NBEA: variants seen among roughly 807,000 people sequenced by gnomAD.
NBEA encodes the protein neurobeachin.
NBEA carries 44 observed loss-of-function variants against 343.4 expected under a neutral mutation model. The observed-to-expected ratio is 0.13, with a 90% CI of 0.10 to 0.16. The LOEUF is 0.16. Ranked by LOEUF, NBEA falls within the 10% of genes least tolerant of loss-of-function variation. The pLI is 1.00. For synonymous variants in NBEA, 1,175 were observed against 1,238.7 expected (o/e 0.95, Z 1.08); for missense variants, 2,555 against 3,631.3 (o/e 0.70, Z 7.62).
At chr13:35,485,521 A>T (rs2076275788) in intron 41 of NBEA, among the ~76,000 whole-genome samples, 1 of 152,124 alleles carries the variant, frequency 6.6e-6, no homozygotes, top group Non-Finnish European at 1.5e-5. Context: ...CACTACTGTT[A>T]GTTACATCGC....
chr13:35,623,552 T>C (rs2083089332), intron 48 of NBEA, among the ~76,000 whole-genome samples: 1 of 152,128 alleles, frequency 6.6e-6, no homozygotes, highest in Non-Finnish European at 1.5e-5. Context: ...AAAGACAAAA[T>C]TATTTAACTA....
At chr13:35,070,575 T>C (rs983706772) in intron 9 of NBEA, 144 bp from the exon 10 acceptor site, 18 of 721,448 alleles carry the variant, frequency 2.5e-5, no homozygotes, top group African/African-American at 5.4e-5. Context: ...CTTTTTTGTC[T>C]TATATGTGTA....
chr13:35,587,384 C>A (rs2081337563), intron 46 of NBEA, among the ~76,000 whole-genome samples: 1 of 152,148 alleles, frequency 6.6e-6, no homozygotes, highest in South Asian at 2.1e-4. Context: ...TTGGAAAACA[C>A]TGAAACTAGA....
At chr13:35,083,223 G>C (rs932184774) in intron 10 of NBEA, among the ~76,000 whole-genome samples, 2 of 152,168 alleles carry the variant, frequency 1.3e-5, no homozygotes, top group Non-Finnish European at 2.9e-5. Context: ...AGATCAGATA[G>C]TTGTGGATAT....
At chr13:35,369,670 T>C (rs772089823) in intron 38 of NBEA, among the ~76,000 whole-genome samples, 1 of 152,006 alleles carries the variant, frequency 6.6e-6, no homozygotes, top group Non-Finnish European at 1.5e-5. Flanking sequence ...CATTCCTGTA[T>C]ATAAACACTA....
At chr13:35,209,120 GAT>G (rs2152751102) in intron 32 of NBEA, among the ~76,000 whole-genome samples, 1 of 152,250 alleles carries the variant, frequency 6.6e-6, no homozygotes, top group South Asian at 2.1e-4. Context: ...ATTACTGAAA[GAT>G]ATTTGGGGAG....
chr13:35,145,528 C>T (rs2152699113), intron 18 of NBEA, among the ~76,000 whole-genome samples: 1 of 152,286 alleles, frequency 6.6e-6, no homozygotes, highest in East Asian at 1.9e-4. Flanking sequence ...TGTGGCTTCC[C>T]TTTCTGGCTC....
intron 41 of NBEA, among the ~76,000 whole-genome samples, chr13:35,517,842 A>T (rs1463044754): frequency 6.6e-6 from 1 of 152,236 alleles, no homozygotes; most frequent in Non-Finnish European, 1.5e-5. Context: ...TATCTTATAC[A>T]CATAGTACTT....
chr13:35,432,594 T>G (rs958930002), intron 39 of NBEA, among the ~76,000 whole-genome samples: 10 of 152,156 alleles, frequency 6.6e-5, no homozygotes, highest in Non-Finnish European at 1.2e-4. Flanking sequence ...TATATTTTTG[T>G]AGCCTTCAAC....
At chr13:35,504,957 T>C (rs1357757736) in intron 41 of NBEA, among the ~76,000 whole-genome samples, 2 of 152,172 alleles carry the variant, frequency 1.3e-5, no homozygotes, top group African/African-American at 4.8e-5. Context: ...TTTTTTGGTA[T>C]AAAATAAAAA....
intron 34 of NBEA, among the ~76,000 whole-genome samples, chr13:35,274,517 A>G (rs1256891137): frequency 6.6e-6 from 1 of 152,204 alleles, no homozygotes; most frequent in Non-Finnish European, 1.5e-5. Flanking sequence ...TGGCCAGGGC[A>G]ATCAGGCAAG....
chr13:35,241,476 A>G (rs2030263708), intron 34 of NBEA, among the ~76,000 whole-genome samples: 1 of 151,900 alleles, frequency 6.6e-6, no homozygotes, highest in Non-Finnish European at 1.5e-5. Context: ...AAAAAAACAT[A>G]GGAAAATATC....
chr13:35,152,742 T>C (rs1264094479), intron 18 of NBEA, among the ~76,000 whole-genome samples: 1 of 152,212 alleles, frequency 6.6e-6, no homozygotes, highest in Non-Finnish European at 1.5e-5. Context: ...ACCTGTATTA[T>C]AGCCACTGGG....
intron 37 of NBEA, among the ~76,000 whole-genome samples, chr13:35,349,743 A>G (rs1373296338): frequency 1.3e-5 from 2 of 152,080 alleles, no homozygotes; most frequent in Non-Finnish European, 2.9e-5. Flanking sequence ...TGACTCACCA[A>G]TTTATTCTCC....
rs550316044 is a variant in NBEA, at chr13:35,476,660, A to G, written c.6585+4124A>G. 4.8e-5 allele frequency: 28 copies of G among 585,254 alleles called. No individual in the cohort carries two copies. The East Asian group carries it at 1.2e-3, about 26-fold the overall frequency. 36.3% of individuals were successfully genotyped at this position (585,254 alleles called of 1,614,324 possible). On this transcript the variant is annotated intron_variant, in intron 41 of 58. Coordinates refer to ENST00000379939, the MANE Select transcript of NBEA (RefSeq NM_001385012.1). ...GTCCGGGGTGAGTGTGCGTGTGTAT[A>G]TGTCAGAAGAAGCTGCTGTTGGTTT...
chr13:35,654,355 G>A (rs1186901230), intron 53 of NBEA, among the ~76,000 whole-genome samples: 1 of 152,154 alleles, frequency 6.6e-6, no homozygotes, highest in Non-Finnish European at 1.5e-5. Flanking sequence ...GAAGCTCCCT[G>A]TGGGGCTGCC....
At chr13:34,990,675 C>G (rs1489493862) in intron 1 of NBEA, among the ~76,000 whole-genome samples, 5 of 139,014 alleles carry the variant, frequency 3.6e-5, no homozygotes, top group Non-Finnish European at 8.4e-5. Context: ...TAACATTCAG[C>G]TCCTCTTTAC....
intron 35 of NBEA, among the ~76,000 whole-genome samples, chr13:35,301,674 A>G (rs2036558277): frequency 6.6e-6 from 1 of 152,120 alleles, no homozygotes; most frequent in Non-Finnish European, 1.5e-5. Flanking sequence ...TTTATAGTGG[A>G]ATGATTTATC....
chr13:35,604,810 G>A (rs143631566), intron 47 of NBEA, among the ~76,000 whole-genome samples: 100 of 151,920 alleles, frequency 6.6e-4, no homozygotes, highest in African/African-American at 2.1e-3. Flanking sequence ...GAGGGTGCCC[G>A]GCCCCCTCTT....
Sources: gnomAD v4.1 joint callset for allele counts (sites outside exome capture counted in the v4.1 genomes callset) on GRCh38, gnomAD v4.1.1 for gene constraint, MANE v1.5 for transcripts, NCBI Gene and HGNC (gene_info 2026-07-23, HGNC 2026-07-21) for gene names.